Variants in CCSER1 observed in about 807,000 individuals in gnomAD.
CCSER1 encodes coiled-coil serine rich protein 1, also known as serine-rich coiled-coil domain-containing protein 1.
A neutral mutation model predicts 82.0 loss-of-function variants in CCSER1; 41 were observed. That is an observed-to-expected ratio of 0.50 (90% CI 0.39 to 0.65). The LOEUF (loss-of-function observed/expected upper bound fraction) is 0.65, where lower values mean the gene tolerates loss of function less well. Among genes scored for constraint, CCSER1 ranks in the 30% least tolerant of loss-of-function variants. The pLI is 0.00. For missense variants in CCSER1, 1,119 were observed against 1,064.2 expected (o/e 1.05, Z -0.72); for synonymous variants, 414 against 383.9 (o/e 1.08, Z -0.92).
At chr4:91,121,001 T>G (rs1290476356) in intron 10 of CCSER1, among the ~76,000 whole-genome samples, 1 of 151,934 alleles carries the variant, frequency 6.6e-6, no homozygotes, top group Admixed American at 6.6e-5. Flanking sequence ...CTATTCTGAT[T>G]TGGAAAAGGG....
At chr4:91,309,095 C>G (rs552073156) in intron 10 of CCSER1, among the ~76,000 whole-genome samples, 1 of 151,850 alleles carries the variant, frequency 6.6e-6, no homozygotes, top group Non-Finnish European at 1.5e-5. Context: ...ATTTTCTCCT[C>G]CTCTTTTTTA....
At chr4:91,339,412 GA>G (rs1390309932) in intron 10 of CCSER1, among the ~76,000 whole-genome samples, 3 of 151,640 alleles carry the variant, frequency 2.0e-5, no homozygotes, top group African/African-American at 4.8e-5. Context: ...TTAAGTGAAA[GA>G]AAAAAAACCC....
At chr4:90,231,405 T>C (rs1387335673) in intron 1 of CCSER1, among the ~76,000 whole-genome samples, 1 of 151,258 alleles carries the variant, frequency 6.6e-6, no homozygotes, top group East Asian at 1.9e-4. Flanking sequence ...GAAAAGGCCT[T>C]TGACAAAATT....
intron 1 of CCSER1, among the ~76,000 whole-genome samples, chr4:90,174,236 A>G (rs1017248701): frequency 2.0e-5 from 3 of 151,982 alleles, no homozygotes; most frequent in African/African-American, 7.2e-5. Flanking sequence ...AAAAATCTGT[A>G]TATACCAGGA....
intron 7 of CCSER1, among the ~76,000 whole-genome samples, chr4:90,783,476 A>G (rs907241611): frequency 6.6e-6 from 1 of 151,692 alleles, no homozygotes; most frequent in African/African-American, 2.4e-5. Flanking sequence ...AGAGTAAGAA[A>G]CTCCTGGGGA....
chr4:91,027,267 A>T (rs1740564990), intron 9 of CCSER1, among the ~76,000 whole-genome samples: 1 of 152,056 alleles, frequency 6.6e-6, no homozygotes, highest in Non-Finnish European at 1.5e-5. Flanking sequence ...CACATCTTCC[A>T]TTTTTATTTA....
At chr4:91,536,651 G>T (rs113364775) in intron 10 of CCSER1, among the ~76,000 whole-genome samples, 21 of 152,088 alleles carry the variant, frequency 1.4e-4, no homozygotes, top group African/African-American at 4.6e-4. Context: ...TGTCACTTCC[G>T]TGACCAAAGG....
intron 5 of CCSER1, among the ~76,000 whole-genome samples, chr4:90,620,954 T>C (rs1278234440): frequency 6.6e-6 from 1 of 152,076 alleles, no homozygotes; most frequent in Non-Finnish European, 1.5e-5. Context: ...TCTGACATTA[T>C]GGTCGTGCAT....
chr4:90,454,949 T>C (rs1206126488), intron 4 of CCSER1, among the ~76,000 whole-genome samples: 4 of 152,144 alleles, frequency 2.6e-5, no homozygotes, highest in Admixed American at 1.3e-4. Flanking sequence ...CTAAGATTTC[T>C]AGGATGGAAC....
chr4:90,648,942 T>C (rs549276782), intron 6 of CCSER1, among the ~76,000 whole-genome samples: 1 of 152,324 alleles, frequency 6.6e-6, no homozygotes, highest in Non-Finnish European at 1.5e-5. Flanking sequence ...CACGGTCTTA[T>C]AATATTAGTG....
intron 4 of CCSER1, among the ~76,000 whole-genome samples, chr4:90,417,456 G>T (rs1039302032): frequency 3.9e-5 from 6 of 152,002 alleles, no homozygotes; most frequent in African/African-American, 1.2e-4. Context: ...ACAATTTGCA[G>T]AAGAGTTTTT....
intron 10 of CCSER1, among the ~76,000 whole-genome samples, chr4:91,502,086 A>G (rs868224089): frequency 1.8e-4 from 27 of 152,312 alleles, no homozygotes; most frequent in Non-Finnish European, 2.9e-4. Flanking sequence ...CTGTCCTCCC[A>G]CAGAAACTGG....
chr4:91,278,301 G>T (rs372533870), intron 10 of CCSER1, among the ~76,000 whole-genome samples: 1 of 152,028 alleles, frequency 6.6e-6, no homozygotes, highest in African/African-American at 2.4e-5. Context: ...TACTATTATT[G>T]TATTGGAATC....
chr4:90,857,167 G>A (rs1764554765), intron 8 of CCSER1, among the ~76,000 whole-genome samples: 1 of 152,004 alleles, frequency 6.6e-6, no homozygotes, highest in Admixed American at 6.6e-5. Context: ...CAGGTATCTG[G>A]AAGTAGCTTA....
chr4:91,261,018 C>T (rs1741086976), intron 10 of CCSER1, among the ~76,000 whole-genome samples: 1 of 152,206 alleles, frequency 6.6e-6, no homozygotes, highest in South Asian at 2.1e-4. Flanking sequence ...CCTCCTCAGC[C>T]TCCCAAAGTG....
chr4:91,372,401 A>C (rs897788316), intron 10 of CCSER1, among the ~76,000 whole-genome samples: 3 of 152,262 alleles, frequency 2.0e-5, no homozygotes, highest in South Asian at 4.1e-4. Flanking sequence ...AAACAAAATT[A>C]GAGGTAGCTC....
intron 1 of CCSER1, among the ~76,000 whole-genome samples, chr4:90,285,162 T>A (rs570670650): frequency 6.6e-6 from 1 of 152,174 alleles, no homozygotes; most frequent in African/African-American, 2.4e-5. Context: ...AATTTTAATT[T>A]TTTTCTATTT....
intron 9 of CCSER1, among the ~76,000 whole-genome samples, chr4:90,953,807 G>T (rs1427785333): frequency 6.6e-6 from 1 of 151,838 alleles, no homozygotes; most frequent in African/African-American, 2.4e-5. Context: ...TGAGTGATTT[G>T]TATCTGTAAA....
At chr4:90,887,708 C>T (rs1360127212) in intron 8 of CCSER1, among the ~76,000 whole-genome samples, 1 of 152,012 alleles carries the variant, frequency 6.6e-6, no homozygotes, top group Non-Finnish European at 1.5e-5. Flanking sequence ...ATGGTGTAAC[C>T]CTGTCTTTAC....
Sources: allele counts gnomAD v4.1 joint callset (sites outside exome capture counted in the v4.1 genomes callset), GRCh38; gene constraint gnomAD v4.1.1; transcripts MANE v1.5; gene names NCBI Gene and HGNC (gene_info 2026-07-23, HGNC 2026-07-21).